EIF3E: variants seen among roughly 807,000 people sequenced by gnomAD.
EIF3E encodes the protein eIF-3 p48.
EIF3E carries 25 observed loss-of-function variants against 59.3 expected under a neutral mutation model. The observed-to-expected ratio is 0.42, with a 90% CI of 0.31 to 0.59. The LOEUF (loss-of-function observed/expected upper bound fraction) is 0.59. EIF3E is among the 20% of genes least tolerant of loss of function. The probability of loss-of-function intolerance (pLI) is 0.15; values close to 1 mark genes in which losing one functional copy is unlikely to be tolerated. For missense variants in EIF3E, 317 were observed against 534.3 expected, an observed-to-expected ratio of 0.59 and a Z score of 4.01; for synonymous variants, 176 against 170.2, an observed-to-expected ratio of 1.03 and a Z score of -0.26.
At chr8:108,231,285 A>T (rs1398836352) in intron 5 of EIF3E, among the ~76,000 whole-genome samples, 7 of 152,110 alleles carry the variant, frequency 4.6e-5, no homozygotes, top group Admixed American at 3.9e-4. Flanking sequence ...TGTTTCTAAA[A>T]CCAAAAACCC....
chr8:108,220,067 C>T (rs1020345552), intron 7 of EIF3E, among the ~76,000 whole-genome samples: 8 of 151,476 alleles, frequency 5.3e-5, no homozygotes, highest in South Asian at 4.2e-4. Context: ...CACTTGAACC[C>T]GGGAGGTGGA....
chr8:108,215,905 C>A (rs112285295), intron 9 of EIF3E, among the ~76,000 whole-genome samples: 32 of 152,232 alleles, frequency 2.1e-4, no homozygotes, highest in Admixed American at 2.0e-4. Flanking sequence ...ATAAGAGACA[C>A]CGCCGTTATA....
chr8:108,211,826 A>G (rs139565321), intron 10 of EIF3E, among the ~76,000 whole-genome samples: 3 of 152,218 alleles, frequency 2.0e-5, no homozygotes, highest in Non-Finnish European at 4.4e-5. Context: ...ATCTGATTCA[A>G]TGGTTTAGGG....
intron 1 of EIF3E, chr8:108,242,286 C>A (rs1316699024): frequency 7.7e-7 from 1 of 1,290,934 alleles, no homozygotes; most frequent in East Asian, 5.5e-5. Context: ...GTCACTTCTC[C>A]ACATCCAGGT....
Position 108,203,151 on chromosome 8 carries a change from T to G in EIF3E, c.1165-34A>C, listed in dbSNP as rs764232027. On this transcript the variant is annotated intron_variant, in intron 11 of 12. Coordinates refer to ENST00000220849, the MANE Select transcript of EIF3E (RefSeq NM_001568.3). ...AAACACAGGGAAATTGATCCTATAA[T>G]GTTAATGACTGAGTTTCTCAGGTAA... The G allele has an allele frequency of 6.9e-6, 11 of 1,598,944 alleles. No homozygotes were observed. The East Asian group carries it at 2.0e-4, about 29-fold the overall frequency.
chr8:108,217,300 T>TA (rs11358208), intron 8 of EIF3E, 34 bp downstream of exon 8: 1,870 of 1,336,664 alleles, frequency 1.4e-3, no homozygotes, highest in South Asian at 2.6e-3. Context: ...CTTAGGTATT[T>TA]AAAAAAAAAA....
chr8:108,214,722 T>G lies in EIF3E; in HGVS notation c.952-6A>C. 1 of 1,599,196 alleles carries G rather than the reference T, an allele frequency of 6.3e-7. No individual in the cohort carries two copies. The highest frequency in any genetic ancestry group is 8.5e-7 in the Non-Finnish European group (1 of 1,176,550). ...AAGAAGTCATTCACAAGCACCTATATGTACAAATACAACAAAAATTAATGA... is the reference window on the plus strand; with the variant it reads ...AAGAAGTCATTCACAAGCACCTATAGGTACAAATACAACAAAAATTAATGA... On this transcript the variant is annotated splice_polypyrimidine_tract_variant and splice_region_variant and intron_variant, in intron 9 of 12. Coordinates refer to ENST00000220849, the MANE Select transcript of EIF3E (RefSeq NM_001568.3).
rs767338182 is a variant in EIF3E, at chr8:108,229,210, A to C, written c.472-15T>G. 1 of 1,610,608 alleles carries C rather than the reference A, an allele frequency of 6.2e-7. No individual in the cohort carries two copies. Among genetic ancestry groups the C allele is most frequent in the South Asian group, 1.1e-5 (1 of 90,810 alleles). On this transcript the variant is annotated splice_polypyrimidine_tract_variant and intron_variant, in intron 5 of 12. Coordinates refer to ENST00000220849, the MANE Select transcript of EIF3E (RefSeq NM_001568.3). ...GTTGCTGGAACCTGTTTAAGAAATC[A>C]TAATTAATTATATTGTGAATACTCT... is the stretch of plus-strand genomic sequence containing the variant.
rs530365864 is a variant in EIF3E at position 108,228,520 on chromosome 8, T to C, written c.598-129A>G. The C allele has an allele frequency of 1.7e-5, 11 of 648,240 alleles. No individual in the cohort carries two copies. The East Asian group carries it at 3.4e-4, about 20-fold the overall frequency. 40.2% of individuals were successfully genotyped at this position (648,240 alleles called of 1,614,324 possible). ...TCTAAGGCATGCACGGAGGTCATTA[T>C]GATCAATGTCCGACCCCCTATGCCT... is the stretch of plus-strand genomic sequence containing the variant. On this transcript the variant is annotated intron_variant, in intron 6 of 12. Transcript: ENST00000220849.
intron 10 of EIF3E, among the ~76,000 whole-genome samples, chr8:108,203,862 G>C (rs1442720704): frequency 5.9e-5 from 9 of 152,016 alleles, no homozygotes; most frequent in African/African-American, 1.9e-4. Flanking sequence ...ATATAAGTCA[G>C]CCCTCCATAT....
At chr8:108,221,622 A>G (rs1474904141) in intron 7 of EIF3E, 1 of 152,206 alleles carries the variant, frequency 6.6e-6, no homozygotes, top group Admixed American at 6.5e-5. Context: ...AAAATAACAT[A>G]TAAATAAAAT....
chr8:108,202,159 T>A (rs1815005874), intron 12 of EIF3E, among the ~76,000 whole-genome samples: 1 of 151,966 alleles, frequency 6.6e-6, no homozygotes, highest in Non-Finnish European at 1.5e-5. Context: ...AATAACAGTA[T>A]CATTAATACT....
Position 108,233,836 on chromosome 8 carries a change from CAAAAAAAAAAAAA to C in EIF3E, c.471+1149_471+1161del, listed in dbSNP as rs35065360. ...CCTGGGTGAGAGCAAGACCCTGTCT[CAAAAAAAAAAAAA>C]AAAAAAAAAAAAAGAAATCTTAGAC... On this transcript the variant is annotated intron_variant, in intron 5 of 12. Transcript: ENST00000220849. Among the ~76,000 whole-genome samples the C allele has an allele frequency of 5.4e-5, 4 of 74,020 alleles. 1 individual carries two copies. The highest frequency in any genetic ancestry group is 7.2e-5 in the Non-Finnish European group (3 of 41,818). The allele number at this position is 74,020 out of a possible 152,430, so 48.6% of individuals were successfully genotyped here.
chr8:108,248,383 A>G (rs958840637), intron 1 of EIF3E, among the ~76,000 whole-genome samples: 3 of 152,142 alleles, frequency 2.0e-5, no homozygotes, highest in Non-Finnish European at 2.9e-5. Flanking sequence ...CAGTAAGTGA[A>G]AGAGACTTCT....
intron 10 of EIF3E, among the ~76,000 whole-genome samples, chr8:108,208,079 G>T (rs1815135989): frequency 6.6e-6 from 1 of 152,104 alleles, no homozygotes; most frequent in Admixed American, 6.6e-5. Flanking sequence ...CAGGTTTTGA[G>T]TGCCTAATCT....
chr8:108,224,109 C>A (rs1223867003), intron 7 of EIF3E, among the ~76,000 whole-genome samples: 3 of 150,370 alleles, frequency 2.0e-5, no homozygotes, highest in Non-Finnish European at 4.4e-5. Context: ...GTAGTCCCAG[C>A]TACTCGGGAG....
intron 1 of EIF3E, 150 bp downstream of exon 1, chr8:108,248,462 TA>T: frequency 2.8e-6 from 2 of 713,760 alleles, no homozygotes; most frequent in Non-Finnish European, 4.8e-6. Context: ...GAGACGACGC[TA>T]AACTACCAGA....
chr8:108,229,275 C>A (rs1271611485), intron 5 of EIF3E, 80 bp from the exon 6 acceptor site: 27 of 1,389,656 alleles, frequency 1.9e-5, no homozygotes, highest in Non-Finnish European at 2.2e-5. Flanking sequence ...CCCATGTATC[C>A]CTCTAGCCTA....
chr8:108,224,272 C>T (rs530322841), intron 7 of EIF3E, among the ~76,000 whole-genome samples: 98 of 151,404 alleles, frequency 6.5e-4, no homozygotes, highest in Non-Finnish European at 1.2e-3. Context: ...TTACAATCTA[C>T]ATATAATATC....
Sources: gnomAD v4.1 joint callset for allele counts (sites outside exome capture counted in the v4.1 genomes callset) on GRCh38, gnomAD v4.1.1 for gene constraint, MANE v1.5 for transcripts, NCBI Gene and HGNC (gene_info 2026-07-23, HGNC 2026-07-21) for gene names.